The following LIN9 variants were observed in gnomAD, a reference collection of about 807,000 sequenced individuals.
LIN9 encodes protein lin-9 homolog.
Under a neutral mutation model 78.0 loss-of-function variants are expected in LIN9, and 18 were observed. The observed-to-expected ratio is 0.23, with a 90% CI of 0.16 to 0.34. LIN9 has a LOEUF of 0.34. Ranked by LOEUF, LIN9 falls within the 10% of genes least tolerant of loss-of-function variation. The pLI, the probability that LIN9 is intolerant of heterozygous loss-of-function variation, is 1.00. For missense variants in LIN9, 451 were observed against 644.1 expected (o/e 0.70, Z 3.25); for synonymous variants, 192 against 215.2 (o/e 0.89, Z 0.94).
chr1:226,253,934 G>C (rs1659019480), intron 10 of LIN9, among the ~76,000 whole-genome samples: 1 of 151,930 alleles, frequency 6.6e-6, no homozygotes, highest in African/African-American at 2.4e-5. Flanking sequence ...AAAAAAGAAA[G>C]AAAGAAATAA....
Position 226,286,558 on chromosome 1 carries a change from T to C in LIN9, c.399-100A>G, listed in dbSNP as rs1661390351. On this transcript the variant is annotated intron_variant, in intron 5 of 14. Transcript: ENST00000681046. Reference sequence around the variant, plus strand: ...GCTAAACTTTCACTTCTACCCCATATATATATATAAACTGGCACAAATTCA... The same window carrying C: ...GCTAAACTTTCACTTCTACCCCATACATATATATAAACTGGCACAAATTCA... 6.1e-6 allele frequency: 5 copies of C among 823,872 alleles called. No individual in the cohort carries two copies. In the South Asian group the frequency reaches 9.9e-5, roughly 16 times the overall value. 51.0% of individuals were successfully genotyped at this position (823,872 alleles called of 1,614,324 possible). A position where few individuals can be genotyped will look rare whatever the true frequency, so the allele number is the denominator to read the frequency against.
chr1:226,240,825 C>T (rs765475877), intron 11 of LIN9, among the ~76,000 whole-genome samples: 1 of 152,190 alleles, frequency 6.6e-6, no homozygotes, highest in Non-Finnish European at 1.5e-5. Flanking sequence ...GCTTGGACTA[C>T]AGGCATGTGC....
In LIN9 at chr1:226,272,483, G is replaced by A. The variant is rs559299988; in HGVS notation, c.683-4393C>T. ...TAGCCTTGAACTCCTGTGCTCAAGC[G>A]ATCGTCTCAGCGTCCTGAGTAGCTG... On this transcript the variant is annotated intron_variant, in intron 7 of 14. Coordinates refer to ENST00000681046, the MANE Select transcript of LIN9 (RefSeq NM_001366245.2). Among the ~76,000 whole-genome samples, 5 of 148,684 alleles carry A rather than the reference G, an allele frequency of 3.4e-5. No individual in the cohort carries two copies. The East Asian group carries it at 6.0e-4, about 18-fold the overall frequency.
At chr1:226,305,315 GAAAAAAAAA>G (rs111859953) in intron 1 of LIN9, among the ~76,000 whole-genome samples, 2 of 77,506 alleles carry the variant, frequency 2.6e-5, no homozygotes, top group Admixed American at 1.7e-4. Context: ...ACAAAAAAAA[GAAAAAAAAA>G]AAAAAAAAAA....
At chr1:226,232,818 A>G in intron 14 of LIN9, 1 of 502,360 alleles carries the variant, frequency 2.0e-6, no homozygotes, top group Non-Finnish European at 3.5e-6. Flanking sequence ...GGCTGGAAGG[A>G]GAAGATGAGT....
At position 226,232,626 on chromosome 1, in the gene LIN9, G is replaced by T; in HGVS notation, c.1524-20C>A. 1.4e-6 allele frequency: 2 copies of T among 1,432,230 alleles called. No individual in the cohort carries two copies. The highest frequency in any genetic ancestry group is 1.3e-5 in the South Asian group (1 of 77,252). The allele number at this position is 1,432,230 out of a possible 1,614,324, so 88.7% of individuals were successfully genotyped here. On this transcript the variant is annotated intron_variant, in intron 14 of 14. Transcript: ENST00000681046. The stretch of plus-strand genomic sequence containing the variant: ...AAGCAACTAAAGAAAGAAGAAACAT[G>T]GTTAACTACTTTATTTCAAAAAATT...
intron 7 of LIN9, 143 bp from the exon 8 acceptor site, chr1:226,268,233 C>T (rs7519835): frequency 0.086 from 56,566 of 656,204 alleles, 2,949 homozygotes; most frequent in Non-Finnish European, 0.11. Flanking sequence ...TTATTTTTGG[C>T]TTAGAGAAAC....
At position 226,270,767 on chromosome 1, in the gene LIN9, G is replaced by C. The variant is rs544074920; in HGVS notation, c.683-2677C>G. On this transcript the variant is annotated intron_variant, in intron 7 of 14. Transcript: ENST00000681046. ...AAGAGGTAGAGAGGTAGAGACTGCA[G>C]TGAGCCAGGATAGTACCACTGCACT... 1.1e-4 allele frequency among the ~76,000 whole-genome samples: 15 copies of C among 141,398 alleles called. No homozygotes were observed. In the East Asian group the frequency reaches 3.2e-3, roughly 31 times the overall value. 92.8% of individuals were successfully genotyped at this position (141,398 alleles called of 152,430 possible).
chr1:226,297,220 C>T (rs902219042), intron 3 of LIN9, among the ~76,000 whole-genome samples: 3 of 152,188 alleles, frequency 2.0e-5, no homozygotes, highest in African/African-American at 7.2e-5. Context: ...AGGACTGTTT[C>T]ATGACAGACC....
Position 226,232,244 on chromosome 1 carries a change from G to T in LIN9, c.*257C>A. On this transcript the variant is annotated 3_prime_UTR_variant, in exon 15 of 15. Transcript: ENST00000681046. ...AATTATATTATGTTCAGATATTTCA[G>T]TTTAAAAATATTTGTGAATATAAAC... is the stretch of plus-strand genomic sequence containing the variant. 5.0e-6 allele frequency: 2 copies of T among 403,186 alleles called. No individual in the cohort carries two copies. Among genetic ancestry groups the T allele is most frequent in the Non-Finnish European group, 8.7e-6 (2 of 228,868 alleles). 25.0% of individuals were successfully genotyped at this position (403,186 alleles called of 1,614,324 possible).
chr1:226,233,373 T>C lies in LIN9; in HGVS notation c.1396A>G (p.Arg466Gly). The stretch of plus-strand genomic sequence containing the variant: ...ATTTGTAACAAAATAGCTGTAAGCC[T>C]GGAAATTAAGTCTGTCAGATTTTCA... ...ENENLTDLIS[R>G]LTAILLQIKC... is the part of the protein sequence containing the mutation. Residue 466 changes from arginine (R) to glycine (G), a missense_variant, in exon 13 of 15, where the codon AGG (arginine) becomes GGG (glycine). Coordinates refer to ENST00000681046, the MANE Select transcript of LIN9 (RefSeq NM_001366245.2). The C allele has an allele frequency of 6.2e-7, 1 of 1,612,620 alleles. No individual in the cohort carries two copies. Among genetic ancestry groups the C allele is most frequent in the Non-Finnish European group, 8.5e-7 (1 of 1,179,484 alleles).
intron 7 of LIN9, among the ~76,000 whole-genome samples, chr1:226,275,647 T>A (rs1055013666): frequency 1.5e-5 from 2 of 132,128 alleles, no homozygotes; most frequent in Non-Finnish European, 3.0e-5. Flanking sequence ...GAGCCGAGAC[T>A]GAGGCACTGC....
intron 2 of LIN9, among the ~76,000 whole-genome samples, chr1:226,300,267 C>G (rs962007832): frequency 7.9e-5 from 12 of 151,850 alleles, no homozygotes; most frequent in African/African-American, 2.4e-4. Flanking sequence ...TAAGCTATTA[C>G]GGGCCAGGTG....
chr1:226,262,582 A>C (rs1659658698), intron 10 of LIN9, among the ~76,000 whole-genome samples: 1 of 152,236 alleles, frequency 6.6e-6, no homozygotes, highest in Non-Finnish European at 1.5e-5. Flanking sequence ...TTAAATAATA[A>C]GATACCACAA....
intron 10 of LIN9, among the ~76,000 whole-genome samples, chr1:226,260,121 TCTAAATTTG>T (rs1659471423): frequency 6.6e-6 from 1 of 152,164 alleles, no homozygotes; most frequent in African/African-American, 2.4e-5. Flanking sequence ...CCTTGAAATT[TCTAAATTTG>T]CACAAGAAAA....
In LIN9 at chr1:226,302,406, G is replaced by C. The variant is rs1662603833; in HGVS notation, c.32-1201C>G. On this transcript the variant is annotated intron_variant, in intron 1 of 14. Coordinates refer to ENST00000681046, the MANE Select transcript of LIN9 (RefSeq NM_001366245.2). ...AAAACACAAAAAATTAACTGGGTGT[G>C]GTGGCGAGCACCTGTAGTCCCAGCT... Among the ~76,000 whole-genome samples, 5 of 152,148 alleles carry C rather than the reference G, an allele frequency of 3.3e-5. No individual in the cohort carries two copies. The South Asian group carries it at 1.0e-3, about 31-fold the overall frequency.
At chr1:226,241,687 T>A (rs1488931765) in intron 11 of LIN9, among the ~76,000 whole-genome samples, 1 of 151,886 alleles carries the variant, frequency 6.6e-6, no homozygotes, top group Non-Finnish European at 1.5e-5. Context: ...TGAAACCCCG[T>A]CTCTACTAAA....
At position 226,232,936 on chromosome 1, in the gene LIN9, A is replaced by G. The variant is rs1368070952; in HGVS notation, c.1523+160T>C. 9.6e-6 allele frequency: 5 copies of G among 521,520 alleles called. No individual in the cohort carries two copies. In the African/African-American group the frequency reaches 9.9e-5, roughly 10 times the overall value. The allele number at this position is 521,520 out of a possible 1,614,324, so 32.3% of individuals were successfully genotyped here. A position where few individuals can be genotyped will look rare whatever the true frequency, so the allele number is the denominator to read the frequency against. On this transcript the variant is annotated intron_variant, in intron 14 of 14. Coordinates refer to ENST00000681046, the MANE Select transcript of LIN9 (RefSeq NM_001366245.2). ...TATACAAAATCCATGTGAAATTTCT[A>G]TTCTGTCCATAGGCTGGATATAAGT...
At chr1:226,297,197 C>G (rs1325769441) in intron 3 of LIN9, among the ~76,000 whole-genome samples, 1 of 152,162 alleles carries the variant, frequency 6.6e-6, no homozygotes, top group Non-Finnish European at 1.5e-5. Context: ...CTGCTGCTGT[C>G]TATCCCAACT....
Sources: allele counts gnomAD v4.1 joint callset (sites outside exome capture counted in the v4.1 genomes callset), GRCh38; gene constraint gnomAD v4.1.1; transcripts MANE v1.5; gene names NCBI Gene and HGNC (gene_info 2026-07-23, HGNC 2026-07-21).